WDR35: variants seen among roughly 807,000 people sequenced by gnomAD.
WDR35 encodes WD repeat-containing protein 35.
A neutral mutation model predicts 158.3 loss-of-function variants in WDR35; 118 were observed. That is an observed-to-expected ratio of 0.75 (90% CI 0.64 to 0.87). The LOEUF is 0.87. WDR35 is among the 40% of genes least tolerant of loss of function. The pLI is 0.00. For missense variants in WDR35, 1,263 were observed against 1,405.8 expected, an observed-to-expected ratio of 0.90 and a Z score of 1.62; for synonymous variants, 448 against 476.1, an observed-to-expected ratio of 0.94 and a Z score of 0.77.
At chr2:19,978,594 C>T (rs1233803894) in intron 5 of WDR35, among the ~76,000 whole-genome samples, 157 bp downstream of exon 5, 7 of 152,106 alleles carry the variant, frequency 4.6e-5, no homozygotes, top group South Asian at 2.1e-4. Flanking sequence ...AATCAAAGAA[C>T]GGTTCTTGAA....
intron 11 of WDR35, among the ~76,000 whole-genome samples, chr2:19,955,302 C>T (rs1224890681): frequency 6.6e-6 from 1 of 152,288 alleles, no homozygotes; most frequent in East Asian, 1.9e-4. Context: ...CAAGTCCCTT[C>T]CTAAGGAATA....
At chr2:19,940,762 A>G (rs1017621975) in intron 17 of WDR35, among the ~76,000 whole-genome samples, 1 of 152,096 alleles carries the variant, frequency 6.6e-6, no homozygotes, top group African/African-American at 2.4e-5. Context: ...CTCCCTAACT[A>G]CTAAACAACA....
chr2:19,966,945 G>GA, intron 9 of WDR35, 36 bp from the exon 10 acceptor site: 5 of 1,594,868 alleles, frequency 3.1e-6, no homozygotes, highest in Non-Finnish European at 4.3e-6. Context: ...GAAGGAGATT[G>GA]AAAGGGAGAA....
chr2:19,939,992 A>T (rs79057392), intron 17 of WDR35, among the ~76,000 whole-genome samples: 3 of 124,026 alleles, frequency 2.4e-5, no homozygotes, highest in Admixed American at 8.2e-5. Flanking sequence ...TATTCAAAAT[A>T]AAAAAAAAAG....
chr2:19,946,419 T>G lies in WDR35; in HGVS notation c.1634+42A>C, dbSNP rs370581095. The G allele has an allele frequency of 4.8e-5, 72 of 1,493,160 alleles. 3 individuals carry two copies. In the East Asian group the frequency reaches 8.8e-4, roughly 18 times the overall value. The allele number at this position is 1,493,160 out of a possible 1,614,324, so 92.5% of individuals were successfully genotyped here. A position where few individuals can be genotyped will look rare whatever the true frequency, so the allele number is the denominator to read the frequency against. On this transcript the variant is annotated intron_variant, in intron 15 of 26. Transcript: ENST00000281405. ...AAATCTAACAATCCCAACTGATCAT[T>G]TCTAAGTCTAACATCTACATGAGCA...
Position 19,922,589 on chromosome 2 carries a change from G to T in WDR35, c.3121+7807C>A, listed in dbSNP as rs546204939. ...GTAGGGGGTGGGGGGCTGGGGGAGG[G>T]ATAGCATAAGGAGAAATACCTAATG... On this transcript the variant is annotated intron_variant, in intron 25 of 26. Coordinates refer to ENST00000281405, the MANE Select transcript of WDR35 (RefSeq NM_020779.4). Among the ~76,000 whole-genome samples, 16 of 151,974 alleles carry T rather than the reference G, an allele frequency of 1.1e-4. No homozygotes were observed. In the East Asian group the frequency reaches 2.9e-3, roughly 28 times the overall value.
intron 13 of WDR35, among the ~76,000 whole-genome samples, chr2:19,948,622 A>G (rs1216950633): frequency 6.6e-6 from 1 of 152,242 alleles, no homozygotes; most frequent in Non-Finnish European, 1.5e-5. Context: ...AAATGTAAGA[A>G]GGCATTGCAC....
Position 19,913,679 on chromosome 2 carries a change from G to GC in WDR35, c.3391dup (p.Ala1131GlyfsTer8), listed in dbSNP as rs1558317792. On this transcript the variant is annotated frameshift_variant, in exon 27 of 27. Coordinates refer to ENST00000281405, the MANE Select transcript of WDR35 (RefSeq NM_020779.4). LOFTEE classifies it high-confidence loss of function. ...ATACTCAGTGATTGGGCTTCCTGTG[G>GC]CAACGCATGTTGGCAGTTTCCCTTC... 10 of 1,614,046 alleles carry GC rather than the reference G, an allele frequency of 6.2e-6. No homozygotes were observed. The highest frequency in any genetic ancestry group is 8.5e-6 in the Non-Finnish European group (10 of 1,179,980).
In WDR35 at chr2:19,935,589, T is replaced by C; in HGVS notation, c.2429A>G (p.Gln810Arg). 1 of 1,612,494 alleles carries C rather than the reference T, an allele frequency of 6.2e-7. No individual in the cohort carries two copies. The highest frequency in any genetic ancestry group is 8.5e-7 in the Non-Finnish European group (1 of 1,179,578). ...ADRQKWLNAV[Q>R]YYVQGRNQER... ...CTGGTTCCGTCCTTGTACATAATAT[T>C]GTACAGCATTCAACCTACAGAAAGA... The change falls in exon 21 of 27, where the codon CAA becomes CGA. Residue 810 changes from glutamine to arginine, a missense_variant. Coordinates refer to ENST00000281405, the MANE Select transcript of WDR35 (RefSeq NM_020779.4).
intron 20 of WDR35, 28 bp downstream of exon 20, chr2:19,936,191 C>T: frequency 1.2e-6 from 2 of 1,613,600 alleles, no homozygotes; most frequent in South Asian, 1.1e-5. Context: ...TGCATGAATG[C>T]TTGAGGAGCT....
Position 19,948,226 on chromosome 2 carries a change from AAT to A in WDR35, c.1471-11_1471-10del. The A allele has an allele frequency of 6.2e-7, 1 of 1,608,304 alleles. No individual in the cohort carries two copies. The highest frequency in any genetic ancestry group is 8.5e-7 in the Non-Finnish European group (1 of 1,177,262). On this transcript the variant is annotated splice_polypyrimidine_tract_variant and intron_variant, in intron 13 of 26. Transcript: ENST00000281405. ...ATTGGATCCCTTGTGCCCTAAAATA[AAT>A]TAATCAATCATTACTATTCAACAAA...
intron 1 of WDR35, 27 bp from the exon 2 acceptor site, chr2:19,989,309 G>C: frequency 1.3e-6 from 2 of 1,594,566 alleles, no homozygotes; most frequent in Non-Finnish European, 1.7e-6. Flanking sequence ...AGCCGCACTA[G>C]CAACTTTTCA....
chr2:19,946,104 C>A, intron 15 of WDR35, 108 bp from the exon 16 acceptor site: 1 of 1,196,026 alleles, frequency 8.4e-7, no homozygotes, highest in Non-Finnish European at 1.2e-6. Context: ...TTATCAGAAA[C>A]CTGGAATACA....
At chr2:19,975,919 T>C (rs1373941014) in intron 5 of WDR35, among the ~76,000 whole-genome samples, 1 of 152,208 alleles carries the variant, frequency 6.6e-6, no homozygotes, top group African/African-American at 2.4e-5. Context: ...GTTGAGCCCA[T>C]CTTCTATTTT....
At chr2:19,979,460 G>C (rs577084708) in intron 4 of WDR35, among the ~76,000 whole-genome samples, 29 of 152,030 alleles carry the variant, frequency 1.9e-4, no homozygotes, top group Non-Finnish European at 2.4e-4. Flanking sequence ...TTAGTGACAC[G>C]ACATCTCTAA....
intron 19 of WDR35, among the ~76,000 whole-genome samples, chr2:19,937,258 T>C (rs757340968): frequency 6.6e-6 from 1 of 152,220 alleles, no homozygotes; most frequent in Non-Finnish European, 1.5e-5. Context: ...GGCCTTACAG[T>C]TCTTTAATTC....
Position 19,934,043 on chromosome 2 carries a change from ACCACCAC to A in WDR35, c.2548-539_2548-533del, listed in dbSNP as rs1670612646. ...AGGAAGAACCACCACCACCACCACC[ACCACCAC>A]CACCACCACCACCACCACCACCACA... On this transcript the variant is annotated intron_variant, in intron 21 of 26. Transcript: ENST00000281405. The surrounding 1 kb of genome is among the most constrained non-coding windows in gnomAD (Gnocchi z 4.6). Among the ~76,000 whole-genome samples the A allele has an allele frequency of 7.8e-6, 1 of 127,562 alleles. No homozygotes were observed. The highest frequency in any genetic ancestry group is 1.6e-5 in the Non-Finnish European group (1 of 60,626). The allele number at this position is 127,562 out of a possible 152,430, so 83.7% of individuals were successfully genotyped here.
At chr2:19,931,496 C>G in intron 23 of WDR35, 87 bp from the exon 24 acceptor site, 2 of 1,498,510 alleles carry the variant, frequency 1.3e-6, no homozygotes, top group Non-Finnish European at 1.8e-6. Context: ...AAATTTGATT[C>G]CCTAAAAAAG....
At chr2:19,975,396 AAG>A (rs1672171239) in intron 6 of WDR35, 132 bp downstream of exon 6, 1 of 1,171,980 alleles carries the variant, frequency 8.5e-7, no homozygotes, top group Non-Finnish European at 1.1e-6. Flanking sequence ...GATTGGGAAA[AAG>A]AAAAAAAATC....
Sources: allele counts gnomAD v4.1 joint callset (sites outside exome capture counted in the v4.1 genomes callset), GRCh38; gene constraint gnomAD v4.1.1; non-coding constraint Gnocchi (gnomAD v3.1); transcripts MANE v1.5; gene names NCBI Gene and HGNC (gene_info 2026-07-23, HGNC 2026-07-21).